DDRGK1: variants seen among roughly 807,000 people sequenced by gnomAD.
DDRGK1 encodes the protein DDRGK domain-containing protein 1.
Under a neutral mutation model 45.8 loss-of-function variants are expected in DDRGK1, and 38 were observed. The ratio of observed to expected loss-of-function variants is 0.83; its 90% CI spans 0.64 to 1.09. The LOEUF (loss-of-function observed/expected upper bound fraction) is 1.09, where lower values mean the gene tolerates loss of function less well. Ranked by LOEUF, DDRGK1 falls within the 50% of genes least tolerant of loss-of-function variation. The pLI, the probability that DDRGK1 is intolerant of heterozygous loss-of-function variation, is 0.00. For missense variants in DDRGK1, 403 were observed against 419.9 expected, an observed-to-expected ratio of 0.96 and a Z score of 0.35; for synonymous variants, 171 against 168.7, an observed-to-expected ratio of 1.01 and a Z score of -0.11.
chr20:3,190,393 T>C lies in DDRGK1; in HGVS notation c.*260A>G, dbSNP rs2066984208. 6 of 466,840 alleles carry C rather than the reference T, an allele frequency of 1.3e-5. No homozygotes were observed. In the South Asian group the frequency reaches 2.1e-4, roughly 16 times the overall value. The allele number at this position is 466,840 out of a possible 1,614,324, so 28.9% of individuals were successfully genotyped here. ...TTTTCTTGAATGAATGGATTCATAA[T>C]AAGAACAGGACTTCACCAGCTTCCA... On this transcript the variant is annotated 3_prime_UTR_variant, in exon 9 of 9. Transcript: ENST00000354488.
Position 3,200,055 on chromosome 20 carries a change from G to C in DDRGK1, c.456C>G (p.Arg152=). The change falls in exon 4 of 9, where the codon CGC becomes CGG. Residue 152 remains arginine, a synonymous_variant. Coordinates refer to ENST00000354488, the MANE Select transcript of DDRGK1 (RefSeq NM_023935.3). ...REERKRLESQ[R]EAEWKKEEER... The stretch of plus-strand genomic sequence containing the variant: ...CCTCCTCCTTCTTCCACTCAGCTTC[G>C]CGCTGGGACTCGAGTCGTTTCCGCT... 6.2e-7 allele frequency: 1 copy of C among 1,613,834 alleles called. No individual in the cohort carries two copies. Among genetic ancestry groups the C allele is most frequent in the Non-Finnish European group, 8.5e-7 (1 of 1,179,976 alleles).
At chr20:3,191,015 C>T (rs1443816858) in intron 8 of DDRGK1, among the ~76,000 whole-genome samples, 175 bp downstream of exon 8, 3 of 152,196 alleles carry the variant, frequency 2.0e-5, no homozygotes, top group Non-Finnish European at 2.9e-5. Context: ...CTGCTGCCAC[C>T]TCCAGGCCCT....
chr20:3,203,594 C>G (rs1448806699), intron 1 of DDRGK1, among the ~76,000 whole-genome samples, 178 bp from the exon 2 acceptor site: 1 of 152,248 alleles, frequency 6.6e-6, no homozygotes, highest in East Asian at 1.9e-4. Flanking sequence ...AGCTTGGTCC[C>G]AGGCGGGGGC....
At chr20:3,192,623 G>A (rs2066994285) in intron 6 of DDRGK1, among the ~76,000 whole-genome samples, 1 of 152,190 alleles carries the variant, frequency 6.6e-6, no homozygotes, top group African/African-American at 2.4e-5. Flanking sequence ...GCCACGTTCT[G>A]TGCTCCAAGT....
At position 3,200,395 on chromosome 20, in the gene DDRGK1, C is replaced by G. The variant is rs1474304317; in HGVS notation, c.355G>C (p.Ala119Pro). 2 of 1,583,886 alleles carry G rather than the reference C, an allele frequency of 1.3e-6. No individual in the cohort carries two copies. Among genetic ancestry groups the G allele is most frequent in the South Asian group, 2.3e-5 (2 of 86,220 alleles). ...AETHLSGKIG[A>P]KKLRKLEEKQ... ...TCCTCCAGCTTCCGCAGTTTCTTAGCTCCAATTTTCCCCGACAGGTGAGTT... is the reference window on the plus strand; with the variant it reads ...TCCTCCAGCTTCCGCAGTTTCTTAGGTCCAATTTTCCCCGACAGGTGAGTT... The change falls in exon 3 of 9, where the codon GCT becomes CCT. Residue 119 changes from alanine (A) to proline (P), a missense_variant. Physicochemically the swap from Ala to Pro is conservative, Grantham distance 27 (BLOSUM62 -1). Transcript: ENST00000354488.
chr20:3,196,469 A>G (rs11699764), intron 4 of DDRGK1, among the ~76,000 whole-genome samples: 15,762 of 151,052 alleles, frequency 0.1, 974 homozygotes, highest in African/African-American at 0.13. Flanking sequence ...CGAGGTCAGG[A>G]GATCGAGACC....
chr20:3,201,848 G>A (rs1600477643), intron 2 of DDRGK1, among the ~76,000 whole-genome samples: 1 of 151,728 alleles, frequency 6.6e-6, no homozygotes, highest in East Asian at 1.9e-4. Context: ...ATTTTTAGTA[G>A]AGACCGGGTT....
At position 3,190,425 on chromosome 20, in the gene DDRGK1, C is replaced by T. The variant is rs2066984407; in HGVS notation, c.*228G>A. On this transcript the variant is annotated 3_prime_UTR_variant, in exon 9 of 9. Coordinates refer to ENST00000354488, the MANE Select transcript of DDRGK1 (RefSeq NM_023935.3). ...AGGACTTCACCAGCTTCCAAGGGACCCTCCCCACCTCTCGGATATATTCTG... is the reference window on the plus strand; with the variant it reads ...AGGACTTCACCAGCTTCCAAGGGACTCTCCCCACCTCTCGGATATATTCTG... 3.7e-6 allele frequency: 2 copies of T among 545,834 alleles called. No homozygotes were observed. Among genetic ancestry groups the T allele is most frequent in the African/African-American group, 1.9e-5 (1 of 52,334 alleles). The allele number at this position is 545,834 out of a possible 1,614,324, so 33.8% of individuals were successfully genotyped here. A position where few individuals can be genotyped will look rare whatever the true frequency, so the allele number is the denominator to read the frequency against.
Position 3,191,784 on chromosome 20 carries a change from T to G in DDRGK1, c.710A>C (p.Gln237Pro). The G allele has an allele frequency of 1.2e-6, 2 of 1,607,798 alleles. No individual in the cohort carries two copies. Among genetic ancestry groups the G allele is most frequent in the Non-Finnish European group, 1.7e-6 (2 of 1,177,138 alleles). The change falls in exon 7 of 9, where the codon CAG becomes CCG. Residue 237 changes from glutamine (Q) to proline (P), a missense_variant. Gln to Pro is a moderately conservative substitution (Grantham distance 76). Coordinates refer to ENST00000354488, the MANE Select transcript of DDRGK1 (RefSeq NM_023935.3). ...GCTTACCTGAGTGCGTAGGCCCACCTGGGAAGCCAGGTCTTCCAAGAGCAC... is the reference window on the plus strand; with the variant it reads ...GCTTACCTGAGTGCGTAGGCCCACCGGGGAAGCCAGGTCTTCCAAGAGCAC... ...KVVLLEDLASQVGLRTQDTIN... is the reference protein window; with the variant it reads ...KVVLLEDLASPVGLRTQDTIN...
chr20:3,204,472 T>C, intron 1 of DDRGK1, 65 bp downstream of exon 1: 2 of 1,488,078 alleles, frequency 1.3e-6, no homozygotes, highest in Non-Finnish European at 1.8e-6. Flanking sequence ...GGCGCGACGG[T>C]CCACAAAGGC....
intron 4 of DDRGK1, 137 bp downstream of exon 4, chr20:3,199,864 G>T: frequency 1.4e-6 from 1 of 735,706 alleles, no homozygotes; most frequent in Non-Finnish European, 2.1e-6. Context: ...GGAGCCTAGG[G>T]ACCAAATAAA....
chr20:3,192,704 C>A (rs2066994563), intron 6 of DDRGK1, among the ~76,000 whole-genome samples: 1 of 152,224 alleles, frequency 6.6e-6, no homozygotes, highest in South Asian at 2.1e-4. Context: ...TGTGTCCACA[C>A]AGGCACCTGC....
At chr20:3,192,692 G>A (rs1052738876) in intron 6 of DDRGK1, among the ~76,000 whole-genome samples, 7 of 152,184 alleles carry the variant, frequency 4.6e-5, no homozygotes. Flanking sequence ...AGGGTCCACC[G>A]CTGTGTCCAC....
At position 3,191,836 on chromosome 20, in the gene DDRGK1, A is replaced by C; in HGVS notation, c.673-15T>G. 1 of 1,602,730 alleles carries C rather than the reference A, an allele frequency of 6.2e-7. No homozygotes were observed. The highest frequency in any genetic ancestry group is 8.5e-7 in the Non-Finnish European group (1 of 1,174,674). ...ACCTTGGACTGCTACAAAAAGAAGG[A>C]GGAAAAGAAAGAGAGGCTGAGCTTG... On this transcript the variant is annotated splice_polypyrimidine_tract_variant and intron_variant, in intron 6 of 8. Coordinates refer to ENST00000354488, the MANE Select transcript of DDRGK1 (RefSeq NM_023935.3).
In DDRGK1 at chr20:3,203,275, C is replaced by A. The variant is rs759446028; in HGVS notation, c.233G>T (p.Arg78Leu). Reference sequence around the variant, plus strand: ...TGCCCAGGCCACCCGCTGGGCTCGACGCTGGGCCTGTAGGCGGCTGCCCAG... The same window carrying A: ...TGCCCAGGCCACCCGCTGGGCTCGAAGCTGGGCCTGTAGGCGGCTGCCCAG... ...RDLGSRLQAQ[R>L]RAQRVAWAEA... is the part of the protein sequence containing the mutation. The change falls in exon 2 of 9, where the codon CGT becomes CTT. Residue 78 changes from arginine to leucine, a missense_variant. Arg to Leu is a moderately radical substitution (Grantham distance 102). Transcript: ENST00000354488. The A allele has an allele frequency of 6.2e-7, 1 of 1,607,838 alleles. No individual in the cohort carries two copies. Among genetic ancestry groups the A allele is most frequent in the Non-Finnish European group, 8.5e-7 (1 of 1,176,518 alleles).
chr20:3,191,195 A>G lies in DDRGK1; in HGVS notation c.773T>C (p.Ile258Thr). 6.2e-7 allele frequency: 1 copy of G among 1,614,142 alleles called. No homozygotes were observed. The highest frequency in any genetic ancestry group is 1.1e-5 in the South Asian group (1 of 91,078). Residue 258 changes from isoleucine to threonine, a missense_variant, in exon 8 of 9, where the codon ATA (isoleucine) becomes ACA (threonine). By Grantham distance (89) the Ile-to-Thr change is moderately conservative (BLOSUM62 -1). Transcript: ENST00000354488. ...RIQDLLAEGT[I>T]TGVIDDRGKF... ...ATTGGCTCTCATCATCTCACCTGTTATAGTCCCCTCAGCCAGCAGGTCCTG... is the reference window on the plus strand; with the variant it reads ...ATTGGCTCTCATCATCTCACCTGTTGTAGTCCCCTCAGCCAGCAGGTCCTG...
rs770872727 is a variant in DDRGK1 at position 3,195,340 on chromosome 20, C to T, written c.524G>A (p.Arg175Lys). ...CTGGGCCTGCTCCTCGCGGGCCTTCCTCTCCTCCTCCTCCTGTGGACATAG... is the reference window on the plus strand; with the variant it reads ...CTGGGCCTGCTCCTCGCGGGCCTTCTTCTCCTCCTCCTCCTGTGGACATAG... ...LEEEQKEEEE[R>K]KAREEQAQRE... Residue 175 changes from arginine (R) to lysine (K), a missense_variant, in exon 5 of 9, where the codon AGG becomes AAG. By Grantham distance (26) the Arg-to-Lys change is conservative. Transcript: ENST00000354488. 2 of 1,604,206 alleles carry T rather than the reference C, an allele frequency of 1.2e-6. No individual in the cohort carries two copies. Among genetic ancestry groups the T allele is most frequent in the Non-Finnish European group, 1.7e-6 (2 of 1,175,082 alleles).
intron 8 of DDRGK1, 98 bp downstream of exon 8, chr20:3,191,092 T>C: frequency 6.7e-7 from 1 of 1,501,002 alleles, no homozygotes; most frequent in Non-Finnish European, 9.2e-7. Flanking sequence ...TCCCCCCATC[T>C]TGGGTGGTCA....
In DDRGK1 at chr20:3,203,313, C is replaced by T; in HGVS notation, c.195G>A (p.Arg65=). ...GGCGGCTGCCCAGGTCCCTCCGGCGCCGAGGCCTGCCTCCAGCTCTCGGCT... is the reference window on the plus strand; with the variant it reads ...GGCGGCTGCCCAGGTCCCTCCGGCGTCGAGGCCTGCCTCCAGCTCTCGGCT... ...PEEPRAGGRP[R]RRRDLGSRLQ... Residue 65 remains arginine, a synonymous_variant, in exon 2 of 9, where the codon CGG becomes CGA. Coordinates refer to ENST00000354488, the MANE Select transcript of DDRGK1 (RefSeq NM_023935.3). 1 of 1,608,356 alleles carries T rather than the reference C, an allele frequency of 6.2e-7. No individual in the cohort carries two copies. Among genetic ancestry groups the T allele is most frequent in the Non-Finnish European group, 8.5e-7 (1 of 1,177,136 alleles).
Sources: allele counts gnomAD v4.1 joint callset (sites outside exome capture counted in the v4.1 genomes callset), GRCh38; gene constraint gnomAD v4.1.1; transcripts MANE v1.5; gene names NCBI Gene and HGNC (gene_info 2026-07-23, HGNC 2026-07-21).